RBMS1: variants seen among roughly 807,000 people sequenced by gnomAD.
RBMS1 encodes the protein RNA binding motif single stranded interacting protein 1.
RBMS1 carries 17 observed loss-of-function variants against 62.3 expected under a neutral mutation model. That is an observed-to-expected ratio of 0.27 (90% CI 0.19 to 0.41). The LOEUF is 0.41. Among genes scored for constraint, RBMS1 ranks in the 10% least tolerant of loss-of-function variants. The pLI is 1.00. For synonymous variants in RBMS1, 172 were observed against 170.0 expected (o/e 1.01, Z -0.09); for missense variants, 334 against 504.5 (o/e 0.66, Z 3.24).
chr2:160,317,789 T>C (rs1321397730), intron 3 of RBMS1, among the ~76,000 whole-genome samples: 1 of 152,204 alleles, frequency 6.6e-6, no homozygotes, highest in East Asian at 1.9e-4. Flanking sequence ...ATATGTAATC[T>C]TTTCAGTTCT....
intron 2 of RBMS1, among the ~76,000 whole-genome samples, chr2:160,361,408 A>G (rs528193496): frequency 1.3e-5 from 2 of 152,364 alleles, no homozygotes; most frequent in African/African-American, 4.8e-5. Flanking sequence ...ATGCCACAGT[A>G]ATTATTATGA....
At chr2:160,438,249 G>T (rs1028718437) in intron 1 of RBMS1, among the ~76,000 whole-genome samples, 4 of 144,488 alleles carry the variant, frequency 2.8e-5, no homozygotes, top group African/African-American at 1.0e-4. Context: ...ATCTTCAGAG[G>T]CTCAATACTT....
intron 5 of RBMS1, 77 bp downstream of exon 5, chr2:160,303,253 T>C (rs1205968159): frequency 2.1e-6 from 3 of 1,420,294 alleles, no homozygotes; most frequent in African/African-American, 2.9e-5. Flanking sequence ...TGTCTCTTCT[T>C]AGTCATTTTT....
rs762396045 is a variant in RBMS1 at position 160,307,361 on chromosome 2, GAA to G, written c.403-3876_403-3875del. ...CTGCTCGTGTGACTGCCTATTTATT[GAA>G]AAAAAAAAAAAAAAAAAAAGTGTAA... On this transcript the variant is annotated intron_variant, in intron 4 of 13. Coordinates refer to ENST00000348849, the MANE Select transcript of RBMS1 (RefSeq NM_016836.4). Among the ~76,000 whole-genome samples, 47 of 85,760 alleles carry G rather than the reference GAA, an allele frequency of 5.5e-4. 1 individual carries two copies. The highest frequency in any genetic ancestry group is 1.9e-3 in the African/African-American group (43 of 22,266). The allele number at this position is 85,760 out of a possible 152,430, so 56.3% of individuals were successfully genotyped here.
Position 160,306,118 on chromosome 2 carries a change from T to C in RBMS1, c.403-2631A>G, listed in dbSNP as rs141750316. ...CATTCCAGCCTGGGCAAGAGCAAGA[T>C]TGTTTCTCTCGTGTGTGTGTGTGTG... On this transcript the variant is annotated intron_variant, in intron 4 of 13. Coordinates refer to ENST00000348849, the MANE Select transcript of RBMS1 (RefSeq NM_016836.4). Among the ~76,000 whole-genome samples, 10 of 133,156 alleles carry C rather than the reference T, an allele frequency of 7.5e-5. No individual in the cohort carries two copies. The East Asian group carries it at 2.1e-3, about 28-fold the overall frequency. The allele number at this position is 133,156 out of a possible 152,430, so 87.4% of individuals were successfully genotyped here. A position where few individuals can be genotyped will look rare whatever the true frequency, so the allele number is the denominator to read the frequency against.
At chr2:160,438,986 T>C (rs1419870754) in intron 1 of RBMS1, among the ~76,000 whole-genome samples, 4 of 140,914 alleles carry the variant, frequency 2.8e-5, no homozygotes, top group African/African-American at 5.5e-5. Flanking sequence ...GCCCCTCACC[T>C]CCCGGACGGG....
intron 9 of RBMS1, 106 bp from the exon 10 acceptor site, chr2:160,281,470 A>G: frequency 1.1e-6 from 1 of 921,714 alleles, no homozygotes; most frequent in South Asian, 1.7e-5. Context: ...AAAGAAAACA[A>G]GGAAACAATA....
chr2:160,443,370 A>G (rs1683499637), intron 1 of RBMS1, among the ~76,000 whole-genome samples: 1 of 152,106 alleles, frequency 6.6e-6, no homozygotes, highest in South Asian at 2.1e-4. Context: ...TATAGTCTGA[A>G]TATTTGTCCC....
In RBMS1 at chr2:160,272,469, G is replaced by A. The variant is rs1687628877; in HGVS notation, c.*2303C>T. The A allele has an allele frequency of 6.6e-6, 1 of 150,480 alleles. No individual in the cohort carries two copies. Among genetic ancestry groups the A allele is most frequent in the Non-Finnish European group, 1.5e-5 (1 of 67,682 alleles). 9.3% of individuals were successfully genotyped at this position (150,480 alleles called of 1,614,324 possible). On this transcript the variant is annotated 3_prime_UTR_variant, in exon 14 of 14. Transcript: ENST00000348849. ...ATTTAATGGCTGTCTACTATGTGAT[G>A]TTTAACTGATTTTTTTTTTTTTATG... is the stretch of plus-strand genomic sequence containing the variant.
At chr2:160,450,564 G>GAAAAAAAAAAAAAAAAAAAAAAAAAA (rs1181640365) in intron 1 of RBMS1, among the ~76,000 whole-genome samples, 1 of 56,582 alleles carries the variant, frequency 1.8e-5, no homozygotes, top group Non-Finnish European at 3.1e-5. Flanking sequence ...AATAAAAAAT[G>GAAAAAAAAAAAAAAAAAAAAAAAAAA]AAAAAAAAAA....
intron 1 of RBMS1, among the ~76,000 whole-genome samples, chr2:160,387,130 T>C (rs1694620874): frequency 1.3e-5 from 2 of 152,204 alleles, no homozygotes; most frequent in Admixed American, 1.3e-4. Context: ...CACCCCTTGA[T>C]ATTCCTGGCT....
chr2:160,286,860 T>A (rs1688426564), intron 7 of RBMS1, 109 bp downstream of exon 7: 2 of 1,558,462 alleles, frequency 1.3e-6, no homozygotes, highest in East Asian at 4.5e-5. Flanking sequence ...CTGGCACCTA[T>A]TTCAGAAGTG....
intron 1 of RBMS1, among the ~76,000 whole-genome samples, chr2:160,489,100 T>C (rs1355006802): frequency 6.6e-6 from 1 of 152,204 alleles, no homozygotes; most frequent in Admixed American, 6.5e-5. Context: ...GAACTTAAGA[T>C]TTGGCTCCCA....
chr2:160,418,467 T>C (rs999582356), intron 1 of RBMS1, among the ~76,000 whole-genome samples: 1 of 152,234 alleles, frequency 6.6e-6, no homozygotes, highest in African/African-American at 2.4e-5. Flanking sequence ...CCTTAAAATT[T>C]ATATGAAATT....
At chr2:160,409,951 G>A (rs886344132) in intron 1 of RBMS1, among the ~76,000 whole-genome samples, 1 of 151,994 alleles carries the variant, frequency 6.6e-6, no homozygotes, top group Non-Finnish European at 1.5e-5. Flanking sequence ...GACTCTGGCC[G>A]GGCACGGTGG....
At chr2:160,378,320 A>G (rs1383827272) in intron 1 of RBMS1, among the ~76,000 whole-genome samples, 1 of 152,184 alleles carries the variant, frequency 6.6e-6, no homozygotes, top group Non-Finnish European at 1.5e-5. Context: ...CAGGTTAATT[A>G]AAGCAGTTTG....
intron 10 of RBMS1, among the ~76,000 whole-genome samples, chr2:160,280,886 G>A (rs1688071676): frequency 6.6e-6 from 1 of 152,092 alleles, no homozygotes; most frequent in Non-Finnish European, 1.5e-5. Context: ...CAAATAATGT[G>A]CTACCACTTT....
intron 1 of RBMS1, among the ~76,000 whole-genome samples, chr2:160,423,551 G>T (rs1696519586): frequency 6.6e-6 from 1 of 152,174 alleles, no homozygotes; most frequent in African/African-American, 2.4e-5. Flanking sequence ...ACAACATGAT[G>T]TAGTTTTATG....
intron 6 of RBMS1, among the ~76,000 whole-genome samples, chr2:160,297,266 C>G (rs529992774): frequency 5.1e-4 from 77 of 152,180 alleles, no homozygotes; most frequent in Middle Eastern, 6.8e-3. Flanking sequence ...ATTTCATTAC[C>G]TCCCCCTCAA....
Sources: gnomAD v4.1 joint callset for allele counts (sites outside exome capture counted in the v4.1 genomes callset) on GRCh38, gnomAD v4.1.1 for gene constraint, MANE v1.5 for transcripts, NCBI Gene and HGNC (gene_info 2026-07-23, HGNC 2026-07-21) for gene names.